PDZK1IP1: variants seen among roughly 807,000 people sequenced by gnomAD.
PDZK1IP1 encodes PDZK1-interacting protein 1.
PDZK1IP1 carries 9 observed loss-of-function variants against 14.7 expected under a neutral mutation model. The ratio of observed to expected loss-of-function variants is 0.61; its 90% CI spans 0.37 to 1.07. PDZK1IP1 has a LOEUF of 1.07. Among genes scored for constraint, PDZK1IP1 ranks in the 50% least tolerant of loss-of-function variants. PDZK1IP1 has a pLI of 0.01. For synonymous variants in PDZK1IP1, 70 were observed against 61.2 expected (o/e 1.14, Z -0.67); for missense variants, 152 against 148.7 (o/e 1.02, Z -0.11).
intron 1 of PDZK1IP1, among the ~76,000 whole-genome samples, chr1:47,188,274 G>A (rs1311514448): frequency 6.6e-6 from 1 of 152,182 alleles, no homozygotes; most frequent in Admixed American, 6.5e-5. Flanking sequence ...CCAAAGTGCT[G>A]GGATTACAGG....
intron 2 of PDZK1IP1, 104 bp downstream of exon 2, chr1:47,187,215 A>G: frequency 4.1e-6 from 3 of 732,106 alleles, no homozygotes; most frequent in Non-Finnish European, 4.7e-6. Context: ...CCTCAGGGGG[A>G]GGATTGGACA....
chr1:47,185,822 C>A (rs56386473), intron 2 of PDZK1IP1, among the ~76,000 whole-genome samples: 24,215 of 151,848 alleles, frequency 0.16, 2,013 homozygotes, highest in East Asian at 0.32. Flanking sequence ...TCCTAGACAG[C>A]GCTCAGACTC....
At chr1:47,187,647 G>A (rs914145058) in intron 1 of PDZK1IP1, among the ~76,000 whole-genome samples, 7 of 152,228 alleles carry the variant, frequency 4.6e-5, no homozygotes, top group African/African-American at 1.4e-4. Flanking sequence ...GAGGGAGCTG[G>A]AGGAACAACA....
rs1194030538 is a variant in PDZK1IP1 at position 47,185,674 on chromosome 1, GT to G, written c.177-578del. On this transcript the variant is annotated intron_variant, in intron 2 of 3. Coordinates refer to ENST00000294338, the MANE Select transcript of PDZK1IP1 (RefSeq NM_005764.4). Reference sequence around the variant, plus strand: ...AATATGTCTCCAATTAAACTTAGCAGTTGCCCCTATGTCTGCTCATCCTCCT... The same window carrying G: ...AATATGTCTCCAATTAAACTTAGCAGTGCCCCTATGTCTGCTCATCCTCCT... Among the ~76,000 whole-genome samples the G allele has an allele frequency of 3.9e-5, 6 of 152,230 alleles. No homozygotes were observed. The South Asian group carries it at 1.0e-3, about 26-fold the overall frequency.
intron 2 of PDZK1IP1, chr1:47,185,332 CCT>C (rs1454144020): frequency 1.0e-5 from 5 of 498,394 alleles, no homozygotes; most frequent in South Asian, 2.1e-5. Flanking sequence ...GAGTCCAAAG[CCT>C]CTCTCTGTCC....
rs1332184328 is a variant in PDZK1IP1, at chr1:47,183,901, G to A, written c.*70C>T. ...GCAGATTCCACACAAAGAAGGAGGG[G>A]GCTTGGGTGGTAGCACTGGACATCC... is the stretch of plus-strand genomic sequence containing the variant. On this transcript the variant is annotated 3_prime_UTR_variant, in exon 4 of 4. Coordinates refer to ENST00000294338, the MANE Select transcript of PDZK1IP1 (RefSeq NM_005764.4). 1.6e-6 allele frequency: 2 copies of A among 1,271,750 alleles called. No homozygotes were observed. Among genetic ancestry groups the A allele is most frequent in the African/African-American group, 2.9e-5 (2 of 67,980 alleles). The allele number at this position is 1,271,750 out of a possible 1,614,324, so 78.8% of individuals were successfully genotyped here.
At chr1:47,184,765 C>G (rs894547292) in intron 3 of PDZK1IP1, among the ~76,000 whole-genome samples, 2 of 150,570 alleles carry the variant, frequency 1.3e-5, no homozygotes, top group African/African-American at 2.5e-5. Context: ...TGAGTCCCCT[C>G]CCCTACGCTG....
In PDZK1IP1 at chr1:47,184,005, T is replaced by G. The variant is rs1198211445; in HGVS notation, c.311A>C (p.Glu104Ala). The stretch of plus-strand genomic sequence containing the variant: ...GGTGCTGCGGACCTTGCCTTCCTCC[T>G]CGGGCACATTCTCATAGGCATTCTC... ...EHENAYENVP[E>A]EEGKVRSTPM The change falls in exon 4 of 4, where the codon GAG becomes GCG. Residue 104 changes from glutamate to alanine, a missense_variant. Physicochemically the swap from Glu to Ala is moderately radical, Grantham distance 107 (BLOSUM62 -1). Transcript: ENST00000294338. 6.3e-7 allele frequency: 1 copy of G among 1,598,214 alleles called. No individual in the cohort carries two copies. Among genetic ancestry groups the G allele is most frequent in the Non-Finnish European group, 8.5e-7 (1 of 1,171,538 alleles).
chr1:47,188,942 T>C (rs1645336294), intron 1 of PDZK1IP1, among the ~76,000 whole-genome samples: 1 of 152,106 alleles, frequency 6.6e-6, no homozygotes, highest in Non-Finnish European at 1.5e-5. Context: ...CAGCCAATTC[T>C]CTCCAGTCAC....
intron 3 of PDZK1IP1, 85 bp from the exon 4 acceptor site, chr1:47,184,128 G>C: frequency 9.8e-7 from 1 of 1,023,332 alleles, no homozygotes; most frequent in Non-Finnish European, 1.5e-6. Context: ...ACTTGTGACA[G>C]TAATAGCTTC....
Position 47,189,962 on chromosome 1 carries a change from G to A in PDZK1IP1, c.-30C>T. On this transcript the variant is annotated 5_prime_UTR_variant, in exon 1 of 4. Coordinates refer to ENST00000294338, the MANE Select transcript of PDZK1IP1 (RefSeq NM_005764.4). ...GCAGCAGCTCCTAGCCTTGCTTCTG[G>A]CCGCCGGTGTCTGGGCTCCTGGAGC... is the stretch of plus-strand genomic sequence containing the variant. 1.3e-6 allele frequency: 2 copies of A among 1,547,326 alleles called. No homozygotes were observed. Among genetic ancestry groups the A allele is most frequent in the Non-Finnish European group, 8.7e-7 (1 of 1,153,986 alleles).
chr1:47,184,006 C>T lies in PDZK1IP1; in HGVS notation c.310G>A (p.Glu104Lys), dbSNP rs761516985. The T allele has an allele frequency of 1.4e-5, 22 of 1,598,130 alleles. No homozygotes were observed. Among genetic ancestry groups the T allele is most frequent in the Admixed American group, 3.4e-5 (2 of 58,154 alleles). The stretch of plus-strand genomic sequence containing the variant: ...GTGCTGCGGACCTTGCCTTCCTCCT[C>T]GGGCACATTCTCATAGGCATTCTCA... ...EHENAYENVPEEEGKVRSTPM is the reference protein window; with the variant it reads ...EHENAYENVPKEEGKVRSTPM The change falls in exon 4 of 4, where the codon GAG (glutamate) becomes AAG (lysine). Residue 104 changes from glutamate to lysine, a missense_variant. Transcript: ENST00000294338.
intron 3 of PDZK1IP1, 83 bp downstream of exon 3, chr1:47,184,919 C>A (rs1645309568): frequency 8.8e-7 from 1 of 1,133,968 alleles, no homozygotes; most frequent in Non-Finnish European, 1.3e-6. Flanking sequence ...TCCTCCCCAG[C>A]CACCTCCCCC....
chr1:47,184,646 C>G (rs900122030), intron 3 of PDZK1IP1, among the ~76,000 whole-genome samples: 1 of 108,894 alleles, frequency 9.2e-6, no homozygotes, highest in Non-Finnish European at 2.0e-5. Context: ...CCAGTGAACC[C>G]ATCCCCCACT....
In PDZK1IP1 at chr1:47,183,710, G is replaced by A. The variant is rs1645298382; in HGVS notation, c.*261C>T. The A allele has an allele frequency of 3.7e-6, 2 of 535,790 alleles. No individual in the cohort carries two copies. The highest frequency in any genetic ancestry group is 6.6e-6 in the Non-Finnish European group (2 of 301,148). 33.2% of individuals were successfully genotyped at this position (535,790 alleles called of 1,614,324 possible). A position where few individuals can be genotyped will look rare whatever the true frequency, so the allele number is the denominator to read the frequency against. On this transcript the variant is annotated 3_prime_UTR_variant, in exon 4 of 4. Transcript: ENST00000294338. The stretch of plus-strand genomic sequence containing the variant: ...GAAGGACGTGTGAGCAGGATGGGAG[G>A]TGCTCAGCTGACTGTCCTCTCCAGA...
rs1645342772 is a variant in PDZK1IP1, at chr1:47,189,919, C to T, written c.14G>A (p.Ser5Asn). ...CGTGAGCAGGCCCAGAATGAGGAGG[C>T]TGAGGGCCGACATGGCTGCAGCAGC... MSAL[S>N]LLILGLLTAV... Residue 5 changes from serine to asparagine, a missense_variant, in exon 1 of 4, where the codon AGC becomes AAC. Physicochemically the swap from Ser to Asn is conservative, Grantham distance 46. Transcript: ENST00000294338. 1.3e-6 allele frequency: 2 copies of T among 1,594,626 alleles called. No individual in the cohort carries two copies. The highest frequency in any genetic ancestry group is 1.7e-6 in the Non-Finnish European group (2 of 1,178,098).
At chr1:47,187,220 T>A in intron 2 of PDZK1IP1, 99 bp downstream of exon 2, 1 of 806,850 alleles carries the variant, frequency 1.2e-6, no homozygotes, top group Non-Finnish European at 2.1e-6. Flanking sequence ...GGGGGAGGAT[T>A]GGACACAGGG....
intron 1 of PDZK1IP1, among the ~76,000 whole-genome samples, 195 bp from the exon 2 acceptor site, chr1:47,187,622 C>T (rs1405762925): frequency 3.3e-5 from 5 of 152,198 alleles, no homozygotes; most frequent in Admixed American, 3.3e-4. Context: ...TAAGCTCCAC[C>T]GAGCTTAGGA....
intron 2 of PDZK1IP1, 160 bp from the exon 3 acceptor site, chr1:47,185,257 A>G: frequency 1.6e-6 from 1 of 618,228 alleles, no homozygotes; most frequent in South Asian, 1.9e-5. Context: ...GGCCCCACCC[A>G]TGGGGTCTCT....
Sources: allele counts gnomAD v4.1 joint callset (sites outside exome capture counted in the v4.1 genomes callset), GRCh38; gene constraint gnomAD v4.1.1; transcripts MANE v1.5; gene names NCBI Gene and HGNC (gene_info 2026-07-23, HGNC 2026-07-21).